Variants in ZCWPW1 observed in about 807,000 individuals in gnomAD.
ZCWPW1 encodes the protein zinc finger CW-type and PWWP domain containing 1, also known as zinc finger CW-type PWWP domain protein 1.
ZCWPW1 carries 56 observed loss-of-function variants against 81.3 expected under a neutral mutation model. That is an observed-to-expected ratio of 0.69 (90% CI 0.56 to 0.86). The LOEUF (loss-of-function observed/expected upper bound fraction) is 0.86. Among genes scored for constraint, ZCWPW1 ranks in the 40% least tolerant of loss-of-function variants. The pLI is 0.00. For synonymous variants in ZCWPW1, 250 were observed against 273.7 expected, an observed-to-expected ratio of 0.91 and a Z score of 0.86; for missense variants, 650 against 769.8, an observed-to-expected ratio of 0.84 and a Z score of 1.84.
At chr7:100,425,489 GTTTT>G (rs1315172485) in intron 1 of ZCWPW1, among the ~76,000 whole-genome samples, 1 of 152,168 alleles carries the variant, frequency 6.6e-6, no homozygotes, top group African/African-American at 2.4e-5. Context: ...TCAAAAAAGA[GTTTT>G]ATTTCACTTA....
chr7:100,401,561 A>G (rs1017722169), intron 17 of ZCWPW1, among the ~76,000 whole-genome samples: 2 of 152,188 alleles, frequency 1.3e-5, no homozygotes, highest in South Asian at 4.1e-4. Context: ...CAGTTTTCTA[A>G]TATCTAAAAT....
chr7:100,419,977 T>C (rs538194308), intron 3 of ZCWPW1, 94 bp from the exon 4 acceptor site: 34 of 1,041,644 alleles, frequency 3.3e-5, no homozygotes, highest in African/African-American at 2.2e-4. Context: ...CAGAATGATA[T>C]GGAGAGAGCT....
At chr7:100,406,357 A>T (rs1254412987) in intron 12 of ZCWPW1, among the ~76,000 whole-genome samples, 1 of 152,082 alleles carries the variant, frequency 6.6e-6, no homozygotes, top group Non-Finnish European at 1.5e-5. Flanking sequence ...CACAACCAAA[A>T]ATTATCTCGC....
In ZCWPW1 at chr7:100,415,075, ATTTTTTTTTTT is replaced by A. The variant is rs1165297451; in HGVS notation, c.754+889_754+899del. ...AAACCCCTCCCTCAACTCCGTACCC[ATTTTTTTTTTT>A]TTTTTTTTTTTTTTTTAGACAGAGT... On this transcript the variant is annotated intron_variant, in intron 8 of 17. Coordinates refer to ENST00000684423, the MANE Select transcript of ZCWPW1 (RefSeq NM_001386010.1). Among the ~76,000 whole-genome samples the A allele has an allele frequency of 8.1e-5, 6 of 74,214 alleles. 1 individual carries two copies. In the East Asian group the frequency reaches 2.0e-3, roughly 24 times the overall value. The allele number at this position is 74,214 out of a possible 152,430, so 48.7% of individuals were successfully genotyped here.
chr7:100,419,540 C>T (rs528857306), intron 4 of ZCWPW1, 90 bp downstream of exon 4: 1 of 1,509,218 alleles, frequency 6.6e-7, no homozygotes, highest in Admixed American at 2.4e-5. Context: ...GGTGAATTTC[C>T]CCAGTGTGAA....
intron 5 of ZCWPW1, 40 bp from the exon 6 acceptor site, chr7:100,417,223 C>T (rs73161762): frequency 0.17 from 268,083 of 1,539,528 alleles, 25,140 homozygotes; most frequent in Middle Eastern, 0.19. Context: ...AGCAAAAAAA[C>T]GAAAAAGCCA....
chr7:100,418,489 A>G (rs968297760), intron 5 of ZCWPW1, among the ~76,000 whole-genome samples: 2 of 152,164 alleles, frequency 1.3e-5, no homozygotes, highest in African/African-American at 4.8e-5. Context: ...CATCTCTACA[A>G]AAAGTAAAAA....
chr7:100,405,890 G>A (rs538181717), intron 12 of ZCWPW1, among the ~76,000 whole-genome samples: 13 of 152,276 alleles, frequency 8.5e-5, no homozygotes, highest in South Asian at 8.3e-4. Context: ...CTCCCAAAGT[G>A]CTGGGATTAC....
At chr7:100,415,703 A>G (rs775858710) in intron 8 of ZCWPW1, among the ~76,000 whole-genome samples, 29 of 152,104 alleles carry the variant, frequency 1.9e-4, no homozygotes, top group Non-Finnish European at 2.9e-4. Context: ...TTACCACATT[A>G]TCTCAAACTA....
chr7:100,415,038 C>CA (rs1376728055), intron 8 of ZCWPW1, among the ~76,000 whole-genome samples: 4 of 131,548 alleles, frequency 3.0e-5, no homozygotes, highest in Non-Finnish European at 6.4e-5. Flanking sequence ...CGAAACAAAA[C>CA]AAAAAAACAA....
Position 100,419,670 on chromosome 7 carries a change from C to CT in ZCWPW1, c.241dup (p.Arg81LysfsTer25). The CT allele has an allele frequency of 1.2e-6, 2 of 1,612,486 alleles. No homozygotes were observed. Among genetic ancestry groups the CT allele is most frequent in the South Asian group, 1.1e-5 (1 of 90,812 alleles). On this transcript the variant is annotated frameshift_variant, in exon 4 of 18. Transcript: ENST00000684423. LOFTEE classifies it high-confidence loss of function. Reference sequence around the variant, plus strand: ...TGCTTGCTTGTTGATTTGTGCCTTTCTTTTTTTCTCCTGTTCCCTGCTTGG... The same window carrying CT: ...TGCTTGCTTGTTGATTTGTGCCTTTCTTTTTTTTCTCCTGTTCCCTGCTTGG...
intron 3 of ZCWPW1, among the ~76,000 whole-genome samples, chr7:100,420,218 T>C (rs571669945): frequency 6.6e-6 from 1 of 152,218 alleles, no homozygotes; most frequent in Non-Finnish European, 1.5e-5. Context: ...ATTTTTACTT[T>C]AGATAAAATG....
intron 5 of ZCWPW1, 49 bp downstream of exon 5, chr7:100,419,062 A>G (rs780367067): frequency 1.3e-6 from 2 of 1,486,234 alleles, no homozygotes; most frequent in East Asian, 4.6e-5. Flanking sequence ...CCTCTCAGGT[A>G]ACAGTCACTG....
chr7:100,412,178 C>T (rs1228871586), intron 8 of ZCWPW1, among the ~76,000 whole-genome samples: 1 of 152,210 alleles, frequency 6.6e-6, no homozygotes, highest in African/African-American at 2.4e-5. Flanking sequence ...GATACACTTT[C>T]TCCTGAGGCA....
rs372293650 is a variant in ZCWPW1, at chr7:100,405,014, T to A, written c.1253A>T (p.Gln418Leu). ...GGTGTGGTCTGAACACCCTCCCACC[T>A]GAATGCTGATCTGTTCTGCCTCTTG... ...MAQEAEQISI[Q>L]ERVNLFGFWS... The change falls in exon 13 of 18, where the codon CAG (glutamine) becomes CTG (leucine). Residue 418 changes from glutamine (Q) to leucine (L), a missense_variant and splice_region_variant. By Grantham distance (113) the Gln-to-Leu change is moderately radical. Coordinates refer to ENST00000684423, the MANE Select transcript of ZCWPW1 (RefSeq NM_001386010.1). The A allele has an allele frequency of 4.3e-5, 70 of 1,613,116 alleles. No homozygotes were observed. Among genetic ancestry groups the A allele is most frequent in the Non-Finnish European group, 5.4e-5 (64 of 1,179,568 alleles).
At chr7:100,419,257 G>T in intron 4 of ZCWPW1, 68 bp from the exon 5 acceptor site, 1 of 1,390,922 alleles carries the variant, frequency 7.2e-7, no homozygotes, top group Non-Finnish European at 1.0e-6. Context: ...GAACAGTCAG[G>T]GAAGCCTCCT....
intron 2 of ZCWPW1, among the ~76,000 whole-genome samples, chr7:100,423,746 T>C (rs1320083925): frequency 2.6e-5 from 4 of 152,140 alleles, no homozygotes; most frequent in African/African-American, 9.7e-5. Flanking sequence ...TTAATCTCCT[T>C]TATTATAATT....
chr7:100,420,540 A>T, intron 3 of ZCWPW1, 82 bp downstream of exon 3: 1 of 1,534,088 alleles, frequency 6.5e-7, no homozygotes, highest in Non-Finnish European at 9.0e-7. Context: ...AGGGACCCGT[A>T]CCATCCTTTG....
intron 2 of ZCWPW1, among the ~76,000 whole-genome samples, chr7:100,423,943 G>A (rs566953527): frequency 4.0e-5 from 6 of 151,872 alleles, no homozygotes; most frequent in African/African-American, 7.2e-5. Context: ...GGTGGCGGGC[G>A]CCTGTAATCC....
Sources: allele counts gnomAD v4.1 joint callset (sites outside exome capture counted in the v4.1 genomes callset), GRCh38; gene constraint gnomAD v4.1.1; transcripts MANE v1.5; gene names NCBI Gene and HGNC (gene_info 2026-07-23, HGNC 2026-07-21).